Variants in PARVA observed in about 807,000 individuals in gnomAD.
The protein encoded by PARVA is alpha-parvin.
A neutral mutation model predicts 52.6 loss-of-function variants in PARVA; 25 were observed. That is an observed-to-expected ratio of 0.48 (90% CI 0.35 to 0.66). The LOEUF (loss-of-function observed/expected upper bound fraction) is 0.66, where lower values mean the gene tolerates loss of function less well. Among genes scored for constraint, PARVA ranks in the 30% least tolerant of loss-of-function variants. The pLI is 0.01. For missense variants in PARVA, 373 were observed against 450.9 expected, an observed-to-expected ratio of 0.83 and a Z score of 1.56; for synonymous variants, 185 against 179.1, an observed-to-expected ratio of 1.03 and a Z score of -0.26.
chr11:12,412,540 T>G (rs991855652), intron 1 of PARVA, among the ~76,000 whole-genome samples: 4 of 152,162 alleles, frequency 2.6e-5, no homozygotes, highest in African/African-American at 7.2e-5. Flanking sequence ...GCAGCAAGCC[T>G]GGGTCTGGCA....
At chr11:12,416,161 G>A (rs1490243698) in intron 1 of PARVA, among the ~76,000 whole-genome samples, 2 of 152,176 alleles carry the variant, frequency 1.3e-5, no homozygotes, top group Non-Finnish European at 2.9e-5. Context: ...ATTTTCATCC[G>A]TAGAATAATT....
chr11:12,477,662 C>G (rs980791180), intron 3 of PARVA, among the ~76,000 whole-genome samples, 185 bp from the exon 4 acceptor site: 10 of 152,156 alleles, frequency 6.6e-5, no homozygotes, highest in Non-Finnish European at 1.2e-4. Context: ...GCAGGAAGAT[C>G]ACTTGAGCCC....
rs1941300562 is a variant in PARVA at position 12,496,488 on chromosome 11, C to T, written c.431C>T (p.Ala144Val). Residue 144 changes from alanine to valine, a missense_variant, in exon 5 of 13, where the codon GCT (alanine) becomes GTT (valine). Coordinates refer to ENST00000334956, the MANE Select transcript of PARVA (RefSeq NM_018222.5). ...EKLESEKLNV[A>V]EVTQSEIAQK... is the part of the protein sequence containing the mutation. ...CTGGAGAGTGAGAAGCTAAATGTGG[C>T]TGAGGTCACCCAGTCAGAGATTGCT... 6.2e-7 allele frequency: 1 copy of T among 1,608,428 alleles called. No homozygotes were observed. Among genetic ancestry groups the T allele is most frequent in the South Asian group, 1.1e-5 (1 of 89,416 alleles).
chr11:12,464,925 A>G (rs1170342955), intron 1 of PARVA, among the ~76,000 whole-genome samples: 2 of 152,134 alleles, frequency 1.3e-5, no homozygotes, highest in Non-Finnish European at 2.9e-5. Flanking sequence ...TAGTTTCGGG[A>G]TGAAACTGTT....
At chr11:12,394,040 A>G (rs1455944345) in intron 1 of PARVA, among the ~76,000 whole-genome samples, 4 of 152,242 alleles carry the variant, frequency 2.6e-5, no homozygotes, top group African/African-American at 9.6e-5. Flanking sequence ...TATTTGCCCT[A>G]TGCCAGGCAC....
chr11:12,444,914 G>A (rs1324230486), intron 1 of PARVA, among the ~76,000 whole-genome samples: 1 of 152,186 alleles, frequency 6.6e-6, no homozygotes, highest in Non-Finnish European at 1.5e-5. Flanking sequence ...TCTATCTGGA[G>A]TGTAGCAATT....
At chr11:12,461,847 C>T (rs1041391727) in intron 1 of PARVA, among the ~76,000 whole-genome samples, 1 of 152,180 alleles carries the variant, frequency 6.6e-6, no homozygotes, top group Non-Finnish European at 1.5e-5. Context: ...CCTCTAAGTT[C>T]TCTTTTTTGG....
chr11:12,411,728 G>A (rs1939995015), intron 1 of PARVA, among the ~76,000 whole-genome samples: 1 of 152,164 alleles, frequency 6.6e-6, no homozygotes, highest in Non-Finnish European at 1.5e-5. Context: ...GACCACTCCA[G>A]TTTTCCCTTG....
chr11:12,377,643 G>A lies in PARVA; in HGVS notation c.-5G>A, dbSNP rs778454961. 5 of 1,567,714 alleles carry A rather than the reference G, an allele frequency of 3.2e-6. No homozygotes were observed. The highest frequency in any genetic ancestry group is 1.9e-5 in the Admixed American group (1 of 52,024). On this transcript the variant is annotated 5_prime_UTR_variant, in exon 1 of 13. Coordinates refer to ENST00000334956, the MANE Select transcript of PARVA (RefSeq NM_018222.5). ...CGACCGGCCCGCGGCAGCCTGCGCC[G>A]CGCCATGGCCACCTCCCCGCAGAAG...
intron 1 of PARVA, among the ~76,000 whole-genome samples, chr11:12,402,348 C>T (rs969797661): frequency 1.3e-5 from 2 of 152,168 alleles, no homozygotes; most frequent in Non-Finnish European, 2.9e-5. Context: ...GAATAAACAT[C>T]CATTATTCCT....
chr11:12,526,721 A>G (rs1382744111), intron 12 of PARVA, among the ~76,000 whole-genome samples: 1 of 152,070 alleles, frequency 6.6e-6, no homozygotes, highest in Non-Finnish European at 1.5e-5. Context: ...TTTTCTTTAT[A>G]ATTTTATTAC....
At chr11:12,376,781 T>G, upstream of PARVA, 1 of 942,996 alleles carries the variant, frequency 1.1e-6, no homozygotes, top group Non-Finnish European at 1.3e-6. Flanking sequence ...GTATGAGTCC[T>G]TCAAACACTG....
At chr11:12,453,907 G>T (rs1222893869) in intron 1 of PARVA, among the ~76,000 whole-genome samples, 2 of 152,176 alleles carry the variant, frequency 1.3e-5, no homozygotes, top group Non-Finnish European at 2.9e-5. Flanking sequence ...CCCTGAAGAC[G>T]TATTGTGGGG....
chr11:12,377,954 A>T (rs1385355562), intron 1 of PARVA, among the ~76,000 whole-genome samples, 171 bp downstream of exon 1: 4 of 147,886 alleles, frequency 2.7e-5, no homozygotes, highest in Non-Finnish European at 6.0e-5. Context: ...AGCGACGCGC[A>T]CCCCACACTG....
chr11:12,413,965 A>G (rs1940028637), intron 1 of PARVA, among the ~76,000 whole-genome samples: 2 of 152,208 alleles, frequency 1.3e-5, no homozygotes. Flanking sequence ...GCCATAGCCT[A>G]AGTCCCTCTC....
At chr11:12,377,430 G>A (rs940780108), upstream of PARVA, 4 of 1,375,294 alleles carry the variant, frequency 2.9e-6, no homozygotes, top group African/African-American at 4.6e-5. Context: ...GCAAGGCGCG[G>A]CCCCGGGAGC....
At chr11:12,456,314 C>A (rs1940693505) in intron 1 of PARVA, among the ~76,000 whole-genome samples, 1 of 151,934 alleles carries the variant, frequency 6.6e-6, no homozygotes, top group East Asian at 1.9e-4. Flanking sequence ...AGCTAAGTAT[C>A]ATGATTCCCA....
intron 1 of PARVA, among the ~76,000 whole-genome samples, chr11:12,397,856 A>G (rs1203170481): frequency 6.7e-6 from 1 of 148,736 alleles, no homozygotes; most frequent in African/African-American, 2.5e-5. Flanking sequence ...GAGGATAAAC[A>G]TTTAGAGATT....
At chr11:12,459,404 C>CAA (rs199712760) in intron 1 of PARVA, among the ~76,000 whole-genome samples, 3 of 138,790 alleles carry the variant, frequency 2.2e-5, no homozygotes, top group Middle Eastern at 3.5e-3. Flanking sequence ...GACCCTGTCT[C>CAA]AAAAAAAAAA....
Sources: gnomAD v4.1 joint callset for allele counts (sites outside exome capture counted in the v4.1 genomes callset) on GRCh38, gnomAD v4.1.1 for gene constraint, MANE v1.5 for transcripts, NCBI Gene and HGNC (gene_info 2026-07-23, HGNC 2026-07-21) for gene names.